The following CEP128 variants were observed in gnomAD, a reference collection of about 807,000 sequenced individuals.
The protein encoded by CEP128 is centrosomal protein 128kDa.
A neutral mutation model predicts 156.7 loss-of-function variants in CEP128; 132 were observed. That is an observed-to-expected ratio of 0.84 (90% CI 0.73 to 0.97). The LOEUF is 0.97. CEP128 is among the 50% of genes least tolerant of loss of function. The pLI is 0.00. For missense variants in CEP128, 1,252 were observed against 1,281.9 expected, an observed-to-expected ratio of 0.98 and a Z score of 0.36; for synonymous variants, 469 against 448.9, an observed-to-expected ratio of 1.04 and a Z score of -0.57.
intron 18 of CEP128, among the ~76,000 whole-genome samples, chr14:80,747,984 A>T (rs1156531956): frequency 1.3e-5 from 2 of 152,224 alleles, no homozygotes; most frequent in Non-Finnish European, 2.9e-5. Context: ...AAAAAGCATT[A>T]AATGGTGCAT....
chr14:80,807,154 A>C (rs1448425313), intron 13 of CEP128, among the ~76,000 whole-genome samples: 1 of 152,130 alleles, frequency 6.6e-6, no homozygotes, highest in Non-Finnish European at 1.5e-5. Context: ...CCTCAATAAA[A>C]TGCATCAACA....
intron 19 of CEP128, among the ~76,000 whole-genome samples, chr14:80,639,808 T>C (rs1172497513): frequency 2.6e-5 from 4 of 152,148 alleles, no homozygotes; most frequent in Non-Finnish European, 2.9e-5. Context: ...GAGCAACAGT[T>C]TGTTTTGATG....
upstream of CEP128, among the ~76,000 whole-genome samples, chr14:80,946,368 T>TCATGATGATGCCTCATGAG: frequency 1.4e-5 from 2 of 141,462 alleles, no homozygotes; most frequent in African/African-American, 5.4e-5. Flanking sequence ...TGCCTCATGA[T>TCATGATGATGCCTCATGAG]GCATCATGAT....
Position 80,831,186 on chromosome 14 carries a change from TCCATG to T in CEP128, c.1161_1165del (p.Cys387Ter). 1 of 1,614,066 alleles carries T rather than the reference TCCATG, an allele frequency of 6.2e-7. No homozygotes were observed. The highest frequency in any genetic ancestry group is 1.1e-5 in the South Asian group (1 of 91,078). ...ATGTGCTTTCTCCTTGTCTTTTCTC[TCCATG>T]CACCGTTTCACTTCCTCTAACTCAG... On this transcript the variant is annotated stop_gained and frameshift_variant, in exon 13 of 25. Transcript: ENST00000555265. LOFTEE classifies it high-confidence loss of function.
chr14:80,702,132 T>C (rs1897095521), intron 19 of CEP128, among the ~76,000 whole-genome samples: 1 of 152,210 alleles, frequency 6.6e-6, no homozygotes, highest in Non-Finnish European at 1.5e-5. Context: ...TATTTGTTTT[T>C]GTTTGTTGTC....
chr14:80,839,052 T>C (rs1404282707), intron 10 of CEP128, among the ~76,000 whole-genome samples: 1 of 152,112 alleles, frequency 6.6e-6, no homozygotes, highest in African/African-American at 2.4e-5. Flanking sequence ...TGAGCCGAAA[T>C]CGCGCCACTG....
chr14:80,707,704 T>A (rs1483087154), intron 19 of CEP128, among the ~76,000 whole-genome samples: 2 of 152,208 alleles, frequency 1.3e-5, no homozygotes, highest in Non-Finnish European at 2.9e-5. Context: ...AATCTATCCA[T>A]AAATCTCAGT....
chr14:80,654,118 A>C (rs566112767), intron 19 of CEP128, among the ~76,000 whole-genome samples: 3 of 152,136 alleles, frequency 2.0e-5, no homozygotes, highest in Non-Finnish European at 4.4e-5. Context: ...TTTTGACCTC[A>C]GGAGGAAGAG....
chr14:80,926,114 G>T (rs563092494), intron 2 of CEP128, among the ~76,000 whole-genome samples: 1 of 152,292 alleles, frequency 6.6e-6, no homozygotes, highest in African/African-American at 2.4e-5. Context: ...AATCTTTAGT[G>T]GGGACAAATG....
At chr14:80,520,580 T>C (rs1350617189) in intron 23 of CEP128, among the ~76,000 whole-genome samples, 1 of 152,208 alleles carries the variant, frequency 6.6e-6, no homozygotes, top group Non-Finnish European at 1.5e-5. Context: ...TATATATTCC[T>C]AGTGTGTCAA....
intron 18 of CEP128, among the ~76,000 whole-genome samples, chr14:80,750,616 T>C (rs1305536437): frequency 6.6e-6 from 1 of 152,218 alleles, no homozygotes; most frequent in Non-Finnish European, 1.5e-5. Flanking sequence ...TTTTCTCCAA[T>C]GCTTTTCCAC....
intron 21 of CEP128, among the ~76,000 whole-genome samples, chr14:80,558,462 T>A (rs1244370853): frequency 1.3e-5 from 2 of 152,116 alleles, no homozygotes; most frequent in African/African-American, 4.8e-5. Context: ...CTAATTTTTT[T>A]AATTTTTAGT....
rs759543468 is a variant in CEP128 at position 80,761,556 on chromosome 14, G to A, written c.2434C>T (p.Gln812Ter). 1.2e-6 allele frequency: 2 copies of A among 1,612,526 alleles called. No individual in the cohort carries two copies. The highest frequency in any genetic ancestry group is 8.5e-7 in the Non-Finnish European group (1 of 1,178,874). Reference protein sequence around the residue: ...HLRRMEEARLQLKDQLLCLET... With the variant: ...HLRRMEEARL The stretch of plus-strand genomic sequence containing the variant: ...AAGCAAAGAAGTTGATCCTTGAGCT[G>A]CAATCTGGCCTCTTCCATCCTCCTT... Residue 812 changes from glutamine (Q) to a stop codon, truncating the protein, a stop_gained, in exon 17 of 25, where the codon CAG (glutamine) becomes TAG (stop). Coordinates refer to ENST00000555265, the MANE Select transcript of CEP128 (RefSeq NM_152446.5). LOFTEE classifies it high-confidence loss of function.
intron 9 of CEP128, among the ~76,000 whole-genome samples, chr14:80,848,387 T>C (rs935231972): frequency 6.6e-6 from 1 of 152,106 alleles, no homozygotes; most frequent in African/African-American, 2.4e-5. Context: ...GGGTTGGGCA[T>C]GGTGGCTCGT....
chr14:80,899,646 T>A (rs1883416068), intron 7 of CEP128, among the ~76,000 whole-genome samples: 1 of 152,186 alleles, frequency 6.6e-6, no homozygotes, highest in Non-Finnish European at 1.5e-5. Flanking sequence ...CTCTCTCCAA[T>A]GTATTTGCAA....
At chr14:80,955,973 A>T in intron 2 of CEP128, 2 of 1,196,340 alleles carry the variant, frequency 1.7e-6, no homozygotes, top group Non-Finnish European at 2.4e-6. Flanking sequence ...TGTATGTGTG[A>T]GTGAATGTCT....
intron 12 of CEP128, 72 bp from the exon 13 acceptor site, chr14:80,831,366 A>G (rs987341676): frequency 3.5e-6 from 5 of 1,430,934 alleles, no homozygotes; most frequent in Admixed American, 4.0e-5. Flanking sequence ...AATAGTACTG[A>G]GCCCTGATGT....
At chr14:80,871,724 A>G (rs228125) in intron 8 of CEP128, among the ~76,000 whole-genome samples, 103,134 of 151,946 alleles carry the variant, frequency 0.68, 35,978 homozygotes, top group African/African-American at 0.84. Flanking sequence ...TAAAAAATTC[A>G]TATTTACCAG....
At chr14:80,759,654 A>G (rs1899852360) in intron 17 of CEP128, among the ~76,000 whole-genome samples, 1 of 152,082 alleles carries the variant, frequency 6.6e-6, no homozygotes, top group African/African-American at 2.4e-5. Context: ...TTTTAGATCT[A>G]TTTTCCACCC....
Sources: gnomAD v4.1 joint callset for allele counts (sites outside exome capture counted in the v4.1 genomes callset) on GRCh38, gnomAD v4.1.1 for gene constraint, MANE v1.5 for transcripts, NCBI Gene and HGNC (gene_info 2026-07-23, HGNC 2026-07-21) for gene names.